CPXM2: variants seen among roughly 807,000 people sequenced by gnomAD.
CPXM2 encodes carboxypeptidase X, M14 family member 2, also known as inactive carboxypeptidase-like protein X2.
A neutral mutation model predicts 86.1 loss-of-function variants in CPXM2; 66 were observed. The ratio of observed to expected loss-of-function variants is 0.77; its 90% CI spans 0.63 to 0.94. The LOEUF is 0.94. Among genes scored for constraint, CPXM2 ranks in the 40% least tolerant of loss-of-function variants. CPXM2 has a pLI of 0.00. For synonymous variants in CPXM2, 388 were observed against 400.2 expected (o/e 0.97, Z 0.36); for missense variants, 948 against 1,026.3 (o/e 0.92, Z 1.04).
At chr10:123,765,526 C>T (rs1219742) in intron 10 of CPXM2, among the ~76,000 whole-genome samples, 25,242 of 152,170 alleles carry the variant, frequency 0.17, 2,258 homozygotes, top group East Asian at 0.36. Flanking sequence ...TAACATAGCT[C>T]GAATTCTCAA....
intron 6 of CPXM2, among the ~76,000 whole-genome samples, chr10:123,781,676 C>T (rs1176919513): frequency 6.6e-6 from 1 of 152,226 alleles, no homozygotes; most frequent in Non-Finnish European, 1.5e-5. Flanking sequence ...GAGGCCAGAT[C>T]TGTGCCACCA....
chr10:123,752,197 C>T (rs1846094574), intron 13 of CPXM2: 1 of 985,378 alleles, frequency 1.0e-6, no homozygotes, highest in African/African-American at 1.7e-5. Flanking sequence ...TGGTCTCTGG[C>T]ACATTCCAGC....
chr10:123,799,116 A>G lies in CPXM2; in HGVS notation c.737T>C (p.Met246Thr). 6.2e-7 allele frequency: 1 copy of G among 1,614,078 alleles called. No individual in the cohort carries two copies. Among genetic ancestry groups the G allele is most frequent in the Non-Finnish European group, 8.5e-7 (1 of 1,180,010 alleles). ...GGTTAAATGGAGGATGAGACTCACC[A>G]TGTCTCCAGATCCATTCTTAACAGT... is the stretch of plus-strand genomic sequence containing the variant. ...WVTVKNGSGDMIFEGNSEKEI... is the reference protein window; with the variant it reads ...WVTVKNGSGDTIFEGNSEKEI... The change falls in exon 5 of 14, where the codon ATG (methionine) becomes ACG (threonine). Residue 246 changes from methionine to threonine, a missense_variant and splice_region_variant. Transcript: ENST00000241305.
intron 1 of CPXM2, among the ~76,000 whole-genome samples, chr10:123,890,218 A>G (rs1002326434): frequency 2.0e-5 from 3 of 152,016 alleles, no homozygotes; most frequent in African/African-American, 4.8e-5. Context: ...AATTCCCATA[A>G]CTCTCCCTGA....
Position 123,908,862 on chromosome 10 carries a change from C to T in CPXM2, n.175-28553G>A, listed in dbSNP as rs114354352. ...TTTGTTAAATGTACAATCTATAAATCAGCAGTGTACAATCAACAAACTGTA... is the reference window on the plus strand; with the variant it reads ...TTTGTTAAATGTACAATCTATAAATTAGCAGTGTACAATCAACAAACTGTA... On this transcript the variant is annotated intron_variant and non_coding_transcript_variant, in intron 2 of 19. Transcript: ENST00000368854. Among the ~76,000 whole-genome samples, 976 of 152,230 alleles carry T rather than the reference C, an allele frequency of 6.4e-3. 8 individuals are homozygous for T. Among genetic ancestry groups the T allele is most frequent in the African/African-American group, 0.023 (939 of 41,524 alleles).
At chr10:123,909,693 C>T (rs1012791230) in intron 2 of CPXM2, among the ~76,000 whole-genome samples, 1 of 152,182 alleles carries the variant, frequency 6.6e-6, no homozygotes, top group African/African-American at 2.4e-5. Flanking sequence ...AGTAAAAGCT[C>T]CCAAAGGAAC....
Position 123,761,971 on chromosome 10 carries a change from G to C in CPXM2, c.1678C>G (p.Arg560Gly). The C allele has an allele frequency of 6.2e-7, 1 of 1,613,810 alleles. No individual in the cohort carries two copies. Residue 560 changes from arginine (R) to glycine (G), a missense_variant, in exon 11 of 14, where the codon CGC becomes GGC. Coordinates refer to ENST00000241305, the MANE Select transcript of CPXM2 (RefSeq NM_198148.3). Reference protein sequence around the residue: ...WLAYSYASTHRLMTDARRRVC... With the variant: ...WLAYSYASTHGLMTDARRRVC... ...CTCCTCCGGGCGTCTGTCATGAGGC[G>C]GTGTGTGGAGGCATAGGAGTAGGCC...
At chr10:123,804,850 G>A (rs1355408330) in intron 4 of CPXM2, among the ~76,000 whole-genome samples, 2 of 151,870 alleles carry the variant, frequency 1.3e-5, no homozygotes, top group Non-Finnish European at 2.9e-5. Flanking sequence ...TTTTTTGTTT[G>A]TTTTTATTTT....
intron 3 of CPXM2, among the ~76,000 whole-genome samples, chr10:123,854,208 C>T (rs998992832): frequency 1.3e-5 from 2 of 150,524 alleles, no homozygotes; most frequent in Non-Finnish European, 2.9e-5. Flanking sequence ...ACTACTGATG[C>T]CTCTCAGATC....
chr10:123,756,441 G>A (rs1183605787), intron 12 of CPXM2, among the ~76,000 whole-genome samples: 1 of 152,138 alleles, frequency 6.6e-6, no homozygotes, highest in Non-Finnish European at 1.5e-5. Context: ...AGCGGAGGCA[G>A]CAGCAGCCCC....
chr10:123,904,898 C>CTGAG (rs1945420369), intron 2 of CPXM2, among the ~76,000 whole-genome samples: 2 of 150,216 alleles, frequency 1.3e-5, no homozygotes, highest in African/African-American at 4.9e-5. Flanking sequence ...CCTGGAGGGC[C>CTGAG]CGAGCTCTGC....
Position 123,891,512 on chromosome 10 carries a change from G to T in CPXM2, c.148C>A (p.Pro50Thr). Residue 50 changes from proline (P) to threonine (T), a missense_variant, in exon 1 of 14, where the codon CCG becomes ACG. Coordinates refer to ENST00000241305, the MANE Select transcript of CPXM2 (RefSeq NM_198148.3). This position sits in a 1 kb window ranked among gnomAD's most constrained non-coding sequence, Gnocchi z 5.6. ...IWSREPYYAR[P>T]EPELETFSPP... ...GAGAAGGTCTCGAGCTCGGGCTCCGGGCGCGCGTAGTAGGGCTCCCGGCTC... is the reference window on the plus strand; with the variant it reads ...GAGAAGGTCTCGAGCTCGGGCTCCGTGCGCGCGTAGTAGGGCTCCCGGCTC... The T allele has an allele frequency of 6.5e-7, 1 of 1,548,224 alleles. No homozygotes were observed. Among genetic ancestry groups the T allele is most frequent in the South Asian group, 1.2e-5 (1 of 83,920 alleles).
intron 4 of CPXM2, among the ~76,000 whole-genome samples, chr10:123,799,687 T>C (rs552539169): frequency 4.6e-5 from 7 of 152,328 alleles, no homozygotes; most frequent in Non-Finnish European, 8.8e-5. Flanking sequence ...AAATAAAATG[T>C]TGAGTCTCTA....
chr10:123,912,958 G>C (rs1279419458), intron 2 of CPXM2, among the ~76,000 whole-genome samples: 4 of 152,162 alleles, frequency 2.6e-5, no homozygotes, highest in Admixed American at 2.6e-4. Flanking sequence ...CTCCTCCAAA[G>C]CTCATCCACA....
intron 4 of CPXM2, among the ~76,000 whole-genome samples, chr10:123,803,757 G>T (rs980943832): frequency 3.3e-5 from 5 of 152,038 alleles, no homozygotes; most frequent in African/African-American, 1.2e-4. Flanking sequence ...TGCCTCCTGG[G>T]TTCAAGCGAT....
At chr10:123,857,625 G>A (rs1020074979) in intron 3 of CPXM2, among the ~76,000 whole-genome samples, 12 of 116,764 alleles carry the variant, frequency 1.0e-4, no homozygotes, top group Non-Finnish European at 1.8e-4. Flanking sequence ...GATGGAAGGC[G>A]GCGTGGAGAT....
At chr10:123,761,371 C>A (rs533864922) in intron 11 of CPXM2, among the ~76,000 whole-genome samples, 3 of 152,154 alleles carry the variant, frequency 2.0e-5, no homozygotes, top group Non-Finnish European at 4.4e-5. Flanking sequence ...TGCCTGGCCC[C>A]CTCTGTGGGT....
chr10:123,848,225 C>G (rs1329487485), intron 3 of CPXM2, among the ~76,000 whole-genome samples: 1 of 152,184 alleles, frequency 6.6e-6, no homozygotes, highest in Non-Finnish European at 1.5e-5. Context: ...ATCATGTGGT[C>G]TGAATGTCTG....
intron 2 of CPXM2, among the ~76,000 whole-genome samples, chr10:123,864,527 C>A (rs893143430): frequency 6.6e-6 from 1 of 152,180 alleles, no homozygotes; most frequent in African/African-American, 2.4e-5. Context: ...ATCTTATGAA[C>A]CTATTTCACT....
Sources: gnomAD v4.1 joint callset for allele counts (sites outside exome capture counted in the v4.1 genomes callset) on GRCh38, gnomAD v4.1.1 for gene constraint, Gnocchi (gnomAD v3.1) non-coding constraint, MANE v1.5 for transcripts, NCBI Gene and HGNC (gene_info 2026-07-23, HGNC 2026-07-21) for gene names.